The following NOSTRIN variants were observed in gnomAD, a reference collection of about 807,000 sequenced individuals.
NOSTRIN encodes nitric oxide synthase trafficking, also known as BM247 homolog.
A neutral mutation model predicts 59.0 loss-of-function variants in NOSTRIN; 63 were observed. The ratio of observed to expected loss-of-function variants is 1.07; its 90% CI spans 0.87 to 1.32. NOSTRIN has a LOEUF of 1.32. Ranked by LOEUF, NOSTRIN falls within the 40% of genes most tolerant of loss-of-function variation. The pLI is 0.00. For synonymous variants in NOSTRIN, 200 were observed against 165.4 expected, an observed-to-expected ratio of 1.21 and a Z score of -1.61; for missense variants, 512 against 473.1, an observed-to-expected ratio of 1.08 and a Z score of -0.76.
chr2:168,862,050 G>T lies in NOSTRIN; in HGVS notation c.1384+1G>T. The T allele has an allele frequency of 6.2e-7, 1 of 1,613,188 alleles. No homozygotes were observed. The highest frequency in any genetic ancestry group is 8.5e-7 in the Non-Finnish European group (1 of 1,179,164). ...GATGATGAGTTGAATTTGGAAAAGGGTAAGAATCATTCTCAAATATTTTAA... is the reference window on the plus strand; with the variant it reads ...GATGATGAGTTGAATTTGGAAAAGGTTAAGAATCATTCTCAAATATTTTAA... On this transcript the variant is annotated splice_donor_variant, in intron 15 of 15. Coordinates refer to ENST00000317647, the MANE Select transcript of NOSTRIN (RefSeq NM_001039724.4). LOFTEE classifies it high-confidence loss of function.
chr2:168,826,306 C>A (rs1423009118), intron 3 of NOSTRIN, among the ~76,000 whole-genome samples: 1 of 152,056 alleles, frequency 6.6e-6, no homozygotes, highest in African/African-American at 2.4e-5. Context: ...GAATGTTAGG[C>A]CAACTGGGAT....
chr2:168,817,110 C>T (rs905833472), intron 2 of NOSTRIN, among the ~76,000 whole-genome samples: 2 of 152,202 alleles, frequency 1.3e-5, no homozygotes, highest in Admixed American at 1.3e-4. Flanking sequence ...CAACCCACAG[C>T]GTACATACTT....
At position 168,851,179 on chromosome 2, in the gene NOSTRIN, C is replaced by A. The variant is rs992905238; in HGVS notation, c.726C>A (p.Thr242=). ...QHISLFGQTL[T]TCHTQIHCAI... The stretch of plus-strand genomic sequence containing the variant: ...TTTCTCTTTTTGGCCAAACCCTGAC[C>A]ACAGTGAGTAGAGATGATCTCTCCA... The change falls in exon 9 of 16, where the codon ACC becomes ACA. Residue 242 remains threonine, a synonymous_variant. Transcript: ENST00000317647. 6.2e-6 allele frequency: 10 copies of A among 1,613,950 alleles called. No homozygotes were observed. The Admixed American group carries it at 8.3e-5, about 13-fold the overall frequency.
At chr2:168,823,491 C>A in intron 2 of NOSTRIN, among the ~76,000 whole-genome samples, 1 of 152,298 alleles carries the variant, frequency 6.6e-6, no homozygotes, top group South Asian at 2.1e-4. Context: ...TGCTGGCAAT[C>A]TTTGGCATTC....
intron 2 of NOSTRIN, among the ~76,000 whole-genome samples, chr2:168,790,166 ATGAT>A (rs1431208242): frequency 6.6e-6 from 1 of 152,252 alleles, no homozygotes; most frequent in Non-Finnish European, 1.5e-5. Flanking sequence ...CATGGAAAAT[ATGAT>A]TGATTGTCTT....
intron 7 of NOSTRIN, among the ~76,000 whole-genome samples, chr2:168,835,837 A>G (rs150401870): frequency 5.3e-5 from 8 of 152,344 alleles, no homozygotes; most frequent in Non-Finnish European, 1.2e-4. Context: ...TTTTCAGGCA[A>G]AATGAACACG....
chr2:168,843,664 C>T (rs1186589102), intron 8 of NOSTRIN, among the ~76,000 whole-genome samples: 2 of 152,072 alleles, frequency 1.3e-5, no homozygotes, highest in Non-Finnish European at 2.9e-5. Context: ...TCAAAATCAT[C>T]GATAAGCCTA....
chr2:168,832,707 G>T lies in NOSTRIN; in HGVS notation c.405+1173G>T, dbSNP rs1043388042. 2.6e-5 allele frequency among the ~76,000 whole-genome samples: 4 copies of T among 152,356 alleles called. No homozygotes were observed. The South Asian group carries it at 6.2e-4, about 24-fold the overall frequency. On this transcript the variant is annotated intron_variant, in intron 6 of 15. Transcript: ENST00000317647. ...GAGAATCACTTTTATAAAAAGTAAA[G>T]TCCCAGAAACAGTATCCAGTCATTT...
chr2:168,842,216 C>A (rs1371601379), intron 7 of NOSTRIN, among the ~76,000 whole-genome samples: 1 of 152,164 alleles, frequency 6.6e-6, no homozygotes, highest in African/African-American at 2.4e-5. Context: ...CCAATAGCCT[C>A]AGGGGAGAAT....
chr2:168,811,713 C>T, intron 2 of NOSTRIN, 61 bp downstream of exon 2: 1 of 709,152 alleles, frequency 1.4e-6, no homozygotes, highest in Admixed American at 2.6e-5. Flanking sequence ...AGTGATATGA[C>T]TGGAGGAGTG....
In NOSTRIN at chr2:168,807,742, G is replaced by A. The variant is rs188404863; in HGVS notation, c.28-3825G>A. 2.0e-3 allele frequency among the ~76,000 whole-genome samples: 305 copies of A among 152,302 alleles called. 2 individuals are homozygous for A. The highest frequency in any genetic ancestry group is 7.1e-3 in the African/African-American group (293 of 41,554). ...GGCTGGGAGCGAGGTACGAGGCAAA[G>A]CCATGGGCCAGTTCCCTCTTCCTGG... On this transcript the variant is annotated intron_variant, in intron 1 of 15. Coordinates refer to ENST00000317647, the MANE Select transcript of NOSTRIN (RefSeq NM_001039724.4).
intron 12 of NOSTRIN, among the ~76,000 whole-genome samples, chr2:168,857,755 A>G (rs1160326660): frequency 1.3e-5 from 2 of 152,240 alleles, no homozygotes; most frequent in East Asian, 1.9e-4. Context: ...TTGAAGGTAC[A>G]GGAATCTGGG....
upstream of NOSTRIN, chr2:168,798,035 C>T (rs1685530334): frequency 6.6e-6 from 1 of 152,108 alleles, no homozygotes; most frequent in South Asian, 2.1e-4. Context: ...CTCCCATGTA[C>T]TTTAAATCAT....
intron 13 of NOSTRIN, among the ~76,000 whole-genome samples, chr2:168,859,883 T>C (rs750781712): frequency 3.3e-5 from 5 of 152,358 alleles, no homozygotes; most frequent in Non-Finnish European, 5.9e-5. Context: ...ATTTCTTCTT[T>C]CTCATCATAC....
intron 2 of NOSTRIN, among the ~76,000 whole-genome samples, chr2:168,820,256 C>T (rs1243240623): frequency 1.3e-5 from 2 of 152,162 alleles, no homozygotes; most frequent in East Asian, 1.9e-4. Context: ...AGGCTAGTGA[C>T]TGACCCAACT....
intron 7 of NOSTRIN, 149 bp from the exon 8 acceptor site, chr2:168,842,843 C>A (rs1688180471): frequency 1.6e-6 from 1 of 614,394 alleles, no homozygotes; most frequent in East Asian, 2.7e-5. Flanking sequence ...TTATAAAGAT[C>A]TTTCATTTTG....
chr2:168,805,306 A>C (rs539735723), intron 1 of NOSTRIN, among the ~76,000 whole-genome samples: 1 of 152,234 alleles, frequency 6.6e-6, no homozygotes, highest in Non-Finnish European at 1.5e-5. Context: ...TGAGAGTGTC[A>C]GAACTTATTT....
rs544246927 is a variant in NOSTRIN at position 168,856,472 on chromosome 2, G to A, written c.965-218G>A. 7.4e-6 allele frequency: 4 copies of A among 537,464 alleles called. No homozygotes were observed. In the African/African-American group the frequency reaches 7.7e-5, roughly 10 times the overall value. 33.3% of individuals were successfully genotyped at this position (537,464 alleles called of 1,614,324 possible). ...CACCTGTAATCCCAGCTACTCAAGA[G>A]GCTGAGGGAGGAGAATTGTTTGAAC... On this transcript the variant is annotated intron_variant, in intron 11 of 15. Coordinates refer to ENST00000317647, the MANE Select transcript of NOSTRIN (RefSeq NM_001039724.4).
chr2:168,799,906 A>G (rs1685570726), upstream of NOSTRIN, among the ~76,000 whole-genome samples: 1 of 152,224 alleles, frequency 6.6e-6, no homozygotes, highest in Non-Finnish European at 1.5e-5. Context: ...GCCCTTTGCA[A>G]TGGGACACTA....
Sources: allele counts gnomAD v4.1 joint callset (sites outside exome capture counted in the v4.1 genomes callset), GRCh38; gene constraint gnomAD v4.1.1; transcripts MANE v1.5; gene names NCBI Gene and HGNC (gene_info 2026-07-23, HGNC 2026-07-21).